DAP3: variants seen among roughly 807,000 people sequenced by gnomAD.
The protein encoded by DAP3 is small ribosomal subunit protein mS29.
Under a neutral mutation model 51.9 loss-of-function variants are expected in DAP3, and 28 were observed. The observed-to-expected ratio is 0.54, with a 90% CI of 0.40 to 0.74. The LOEUF (loss-of-function observed/expected upper bound fraction) is 0.74. DAP3 is among the 30% of genes least tolerant of loss of function. The pLI is 0.00. For missense variants in DAP3, 458 were observed against 483.5 expected, an observed-to-expected ratio of 0.95 and a Z score of 0.49; for synonymous variants, 170 against 170.3, an observed-to-expected ratio of 1.00 and a Z score of 0.01.
At chr1:155,688,925 C>T (rs745553832), upstream of DAP3, 1 of 1,613,172 alleles carries the variant, frequency 6.2e-7, no homozygotes, top group South Asian at 1.1e-5. Flanking sequence ...CCCATGACAA[C>T]CTACCTCCCT....
chr1:155,691,474 G>A (rs1009578073), intron 1 of DAP3, among the ~76,000 whole-genome samples: 4 of 141,934 alleles, frequency 2.8e-5, no homozygotes, highest in Middle Eastern at 3.2e-3. Context: ...GCTATACCAC[G>A]TTATGTTTAT....
intron 1 of DAP3, among the ~76,000 whole-genome samples, chr1:155,704,032 A>C (rs542545562): frequency 2.6e-5 from 4 of 152,308 alleles, no homozygotes; most frequent in Non-Finnish European, 4.4e-5. Flanking sequence ...CTGTAGTCCC[A>C]GTTACTTAGG....
At chr1:155,703,030 C>T (rs1021023323) in intron 1 of DAP3, among the ~76,000 whole-genome samples, 6 of 151,992 alleles carry the variant, frequency 3.9e-5, no homozygotes, top group African/African-American at 1.4e-4. Context: ...ATGCCAATAC[C>T]ACACTATCTT....
chr1:155,700,587 C>T (rs1478882039), intron 1 of DAP3, among the ~76,000 whole-genome samples: 2 of 150,202 alleles, frequency 1.3e-5, no homozygotes, highest in Admixed American at 1.3e-4. Flanking sequence ...GCCCCCCGCC[C>T]GGCCAGCCGC....
At position 155,712,442 on chromosome 1, in the gene DAP3, G is replaced by A. The variant is rs1376394840; in HGVS notation, c.45+2618G>A. On this transcript the variant is annotated intron_variant, in intron 2 of 12. Coordinates refer to ENST00000368336, the MANE Select transcript of DAP3 (RefSeq NM_004632.4). The stretch of plus-strand genomic sequence containing the variant: ...AGCCAGACCAACATGGAGAAACTCC[G>A]TCACTACTAAAAATACAAAATTAGC... Among the ~76,000 whole-genome samples the A allele has an allele frequency of 7.2e-5, 11 of 152,002 alleles. No homozygotes were observed. The East Asian group carries it at 7.7e-4, about 11-fold the overall frequency.
chr1:155,719,700 A>G (rs1282850601), intron 3 of DAP3, among the ~76,000 whole-genome samples: 1 of 150,972 alleles, frequency 6.6e-6, no homozygotes, highest in Non-Finnish European at 1.5e-5. Flanking sequence ...GGCGCCTGCC[A>G]CCGTGCCTGG....
intron 1 of DAP3, chr1:155,689,599 C>T (rs932541930): frequency 1.6e-5 from 6 of 366,506 alleles, no homozygotes; most frequent in African/African-American, 1.3e-4. Context: ...TCCAAACATG[C>T]CTCCAGGGTT....
intron 3 of DAP3, among the ~76,000 whole-genome samples, chr1:155,718,741 T>C (rs1453122330): frequency 1.4e-5 from 2 of 144,718 alleles, no homozygotes; most frequent in South Asian, 2.1e-4. Flanking sequence ...GATAGATAGA[T>C]AGATAGATAT....
intron 1 of DAP3, among the ~76,000 whole-genome samples, chr1:155,702,997 T>C (rs1398868460): frequency 6.6e-6 from 1 of 151,858 alleles, no homozygotes; most frequent in Non-Finnish European, 1.5e-5. Flanking sequence ...AAAAGAAAAA[T>C]CAGTTGACCG....
At chr1:155,704,548 C>A (rs1190514126) in intron 1 of DAP3, among the ~76,000 whole-genome samples, 2 of 152,172 alleles carry the variant, frequency 1.3e-5, no homozygotes, top group Non-Finnish European at 1.5e-5. Context: ...GCCCTGAAAT[C>A]CCACAAGTGA....
At position 155,738,819 on chromosome 1, in the gene DAP3, AAAAT is replaced by A. The variant is rs1354839869; in HGVS notation, c.*578_*581del. ...AAAACCTGTCTCTACTAAAAATACA[AAAAT>A]TAGCCGGGCACGGTGGCATGCGCCT... On this transcript the variant is annotated 3_prime_UTR_variant, in exon 13 of 13. Coordinates refer to ENST00000368336, the MANE Select transcript of DAP3 (RefSeq NM_004632.4). 1 of 152,056 alleles carries A rather than the reference AAAAT, an allele frequency of 6.6e-6. No individual in the cohort carries two copies. Among genetic ancestry groups the A allele is most frequent in the African/African-American group, 2.4e-5 (1 of 41,380 alleles). 9.4% of individuals were successfully genotyped at this position (152,056 alleles called of 1,614,324 possible). A position where few individuals can be genotyped will look rare whatever the true frequency, so the allele number is the denominator to read the frequency against.
intron 2 of DAP3, among the ~76,000 whole-genome samples, chr1:155,716,185 C>T (rs968118291): frequency 6.6e-6 from 1 of 152,218 alleles, no homozygotes; most frequent in Admixed American, 6.5e-5. Context: ...TAAGGCAATA[C>T]ACAGACTGGA....
intron 1 of DAP3, among the ~76,000 whole-genome samples, chr1:155,692,296 T>C (rs1393770505): frequency 2.1e-5 from 3 of 141,720 alleles, no homozygotes; most frequent in African/African-American, 3.2e-5. Context: ...CAGAGTCCTC[T>C]TGTGGCTTTC....
At chr1:155,697,556 A>G (rs1394638222) in intron 1 of DAP3, among the ~76,000 whole-genome samples, 1 of 152,084 alleles carries the variant, frequency 6.6e-6, no homozygotes, top group Non-Finnish European at 1.5e-5. Flanking sequence ...AGTTTTTATT[A>G]TGGATTTCAA....
At chr1:155,734,376 G>T (rs1280445374) in intron 11 of DAP3, among the ~76,000 whole-genome samples, 1 of 150,954 alleles carries the variant, frequency 6.6e-6, no homozygotes, top group Non-Finnish European at 1.5e-5. Flanking sequence ...TCTTAACTAT[G>T]TTGTTGCCTA....
intron 2 of DAP3, 86 bp from the exon 3 acceptor site, chr1:155,716,920 C>G: frequency 6.5e-7 from 1 of 1,541,536 alleles, no homozygotes; most frequent in African/African-American, 1.4e-5. Context: ...TGCACTCCAG[C>G]TTGGGCAACA....
chr1:155,728,927 C>A, intron 7 of DAP3, 115 bp from the exon 8 acceptor site: 1 of 936,494 alleles, frequency 1.1e-6, no homozygotes, highest in Non-Finnish European at 1.6e-6. Flanking sequence ...AGAACCTGAA[C>A]AATAGATTAA....
chr1:155,735,990 T>C (rs920912922), intron 11 of DAP3, among the ~76,000 whole-genome samples: 2 of 151,870 alleles, frequency 1.3e-5, no homozygotes, highest in Admixed American at 6.6e-5. Context: ...GACAGGTGCA[T>C]GCCACCACGC....
At chr1:155,718,434 C>T (rs1330773320) in intron 3 of DAP3, among the ~76,000 whole-genome samples, 1 of 151,556 alleles carries the variant, frequency 6.6e-6, no homozygotes, top group South Asian at 2.1e-4. Context: ...CCTGTAATCC[C>T]AGCATTTTGG....
Sources: gnomAD v4.1 joint callset for allele counts (sites outside exome capture counted in the v4.1 genomes callset) on GRCh38, gnomAD v4.1.1 for gene constraint, MANE v1.5 for transcripts, NCBI Gene and HGNC (gene_info 2026-07-23, HGNC 2026-07-21) for gene names.